CADM2: variants seen among roughly 807,000 people sequenced by gnomAD.
CADM2 encodes the protein immunoglobulin superfamily member 4D.
Under a neutral mutation model 49.8 loss-of-function variants are expected in CADM2, and 12 were observed. The observed-to-expected ratio is 0.24, with a 90% CI of 0.15 to 0.39. The LOEUF (loss-of-function observed/expected upper bound fraction) is 0.39. CADM2 is among the 10% of genes least tolerant of loss of function. The probability of loss-of-function intolerance (pLI) is 1.00; values close to 1 mark genes in which losing one functional copy is unlikely to be tolerated. For synonymous variants in CADM2, 214 were observed against 175.4 expected (o/e 1.22, Z -1.74); for missense variants, 378 against 492.3 (o/e 0.77, Z 2.20).
chr3:85,337,760 G>A (rs1195762284), intron 1 of CADM2, among the ~76,000 whole-genome samples: 5 of 151,306 alleles, frequency 3.3e-5, no homozygotes, highest in Non-Finnish European at 4.4e-5. Context: ...TATGCAGACC[G>A]GCATGCTAAA....
chr3:85,533,384 A>T (rs1007915662), intron 1 of CADM2, among the ~76,000 whole-genome samples: 3 of 152,212 alleles, frequency 2.0e-5, no homozygotes, highest in African/African-American at 4.8e-5. Flanking sequence ...ACTATTATGC[A>T]TACTTTAAAA....
At chr3:85,804,365 C>A (rs1364399969) in intron 3 of CADM2, among the ~76,000 whole-genome samples, 1 of 151,782 alleles carries the variant, frequency 6.6e-6, no homozygotes, top group Non-Finnish European at 1.5e-5. Context: ...TTTTTCCATC[C>A]CTGTGTTTAA....
chr3:86,011,572 G>C (rs1731514502), intron 8 of CADM2, among the ~76,000 whole-genome samples: 1 of 152,112 alleles, frequency 6.6e-6, no homozygotes, highest in African/African-American at 2.4e-5. Flanking sequence ...AGTAGGAAAA[G>C]AGAGATGGAG....
intron 1 of CADM2, among the ~76,000 whole-genome samples, chr3:85,108,410 G>A (rs997989387): frequency 3.3e-5 from 5 of 152,120 alleles, no homozygotes; most frequent in Non-Finnish European, 5.9e-5. Flanking sequence ...GATAAATCTT[G>A]AAGATATTAT....
intron 1 of CADM2, among the ~76,000 whole-genome samples, chr3:85,103,199 CA>C (rs2038075336): frequency 6.6e-6 from 1 of 152,090 alleles, no homozygotes; most frequent in Non-Finnish European, 1.5e-5. Context: ...TAGGGAGAAA[CA>C]GTAACCAACA....
intron 1 of CADM2, among the ~76,000 whole-genome samples, chr3:85,357,906 C>T (rs1411988652): frequency 6.6e-6 from 1 of 152,050 alleles, no homozygotes; most frequent in Non-Finnish European, 1.5e-5. Flanking sequence ...GGAGAGACCT[C>T]TAGCTGTATC....
intron 1 of CADM2, among the ~76,000 whole-genome samples, chr3:85,547,410 T>A (rs953238706): frequency 7.2e-5 from 11 of 152,228 alleles, no homozygotes; most frequent in African/African-American, 2.7e-4. Context: ...AAGCTGTAAT[T>A]ACATATTGAA....
intron 3 of CADM2, among the ~76,000 whole-genome samples, chr3:85,870,655 G>A (rs1248264721): frequency 6.6e-6 from 1 of 152,098 alleles, no homozygotes; most frequent in Non-Finnish European, 1.5e-5. Context: ...ACCAATGATG[G>A]ACATTTAGGT....
chr3:85,017,395 C>T (rs1393349884), intron 1 of CADM2, among the ~76,000 whole-genome samples: 1 of 152,118 alleles, frequency 6.6e-6, no homozygotes, highest in Non-Finnish European at 1.5e-5. Flanking sequence ...ATTCCCAGCT[C>T]GAGGTACCTT....
At chr3:85,147,337 T>C (rs1215001716) in intron 1 of CADM2, among the ~76,000 whole-genome samples, 1 of 146,458 alleles carries the variant, frequency 6.8e-6, no homozygotes, top group African/African-American at 2.5e-5. Flanking sequence ...GAAATTTCCT[T>C]AGGGGATGAC....
At chr3:85,715,270 A>T (rs2067250700) in intron 1 of CADM2, among the ~76,000 whole-genome samples, 1 of 152,142 alleles carries the variant, frequency 6.6e-6, no homozygotes, top group Non-Finnish European at 1.5e-5. Context: ...TGGCTCAAAA[A>T]TTTTTCAAAG....
rs1274102778 is a variant in CADM2, at chr3:85,802,127, C to G, written c.169C>G (p.Gln57Glu). Residue 57 changes from glutamine to glutamate, a missense_variant, in exon 3 of 10, where the codon CAA (glutamine) becomes GAA (glutamate). Coordinates refer to ENST00000383699, the MANE Select transcript of CADM2 (RefSeq NM_001167675.2). ...GTAILTCRVDQNDNTSLQWSN... is the reference protein window; with the variant it reads ...GTAILTCRVDENDNTSLQWSN... ...TGCAATTTTGACCTGCAGGGTTGAT[C>G]AAAATGATAACACCTCCCTCCAGTG... The G allele has an allele frequency of 1.2e-6, 2 of 1,613,310 alleles. No homozygotes were observed. The highest frequency in any genetic ancestry group is 3.3e-5 in the Admixed American group (2 of 59,928).
chr3:85,536,375 C>A, intron 1 of CADM2, among the ~76,000 whole-genome samples: 1 of 147,750 alleles, frequency 6.8e-6, no homozygotes, highest in South Asian at 2.2e-4. Flanking sequence ...ATCTGAGGAG[C>A]TAAATATTCC....
chr3:85,408,649 A>T (rs1212053720), intron 1 of CADM2, among the ~76,000 whole-genome samples: 1 of 152,182 alleles, frequency 6.6e-6, no homozygotes, highest in Non-Finnish European at 1.5e-5. Flanking sequence ...TCTTATTCTG[A>T]GCAGTGCACT....
intron 1 of CADM2, among the ~76,000 whole-genome samples, chr3:85,271,868 A>G (rs1479215551): frequency 6.6e-6 from 1 of 151,282 alleles, no homozygotes; most frequent in African/African-American, 2.4e-5. Flanking sequence ...CAAAAAGAAA[A>G]TAGGGATTAC....
intron 1 of CADM2, among the ~76,000 whole-genome samples, chr3:85,236,895 T>G (rs1248238958): frequency 1.3e-5 from 2 of 152,090 alleles, no homozygotes; most frequent in Non-Finnish European, 2.9e-5. Context: ...GGTGAACTTC[T>G]GCTATGACTC....
chr3:85,577,385 G>A lies in CADM2; in HGVS notation c.62-149137G>A, dbSNP rs568371641. ...AGTGAGTTAGTTCTAGAGAGAGTAG[G>A]CTTATTATAAAAGCAAGTTAGGCCC... On this transcript the variant is annotated intron_variant, in intron 1 of 9. Transcript: ENST00000383699. Among the ~76,000 whole-genome samples, 3 of 152,206 alleles carry A rather than the reference G, an allele frequency of 2.0e-5. No homozygotes were observed. The South Asian group carries it at 6.2e-4, about 32-fold the overall frequency.
intron 1 of CADM2, among the ~76,000 whole-genome samples, chr3:85,442,360 C>T (rs2037242531): frequency 6.6e-6 from 1 of 151,678 alleles, no homozygotes; most frequent in African/African-American, 2.4e-5. Flanking sequence ...TTCTGTATCA[C>T]TTGATTGAAT....
intron 1 of CADM2, among the ~76,000 whole-genome samples, chr3:85,291,928 A>G (rs536695227): frequency 6.6e-6 from 1 of 152,124 alleles, no homozygotes; most frequent in South Asian, 2.1e-4. Context: ...GATCAAATTC[A>G]CACATAACAA....
Sources: allele counts gnomAD v4.1 joint callset (sites outside exome capture counted in the v4.1 genomes callset), GRCh38; gene constraint gnomAD v4.1.1; transcripts MANE v1.5; gene names NCBI Gene and HGNC (gene_info 2026-07-23, HGNC 2026-07-21).